Variants in FBXL2 observed in about 807,000 individuals in gnomAD.
FBXL2 encodes F-box and leucine rich repeat protein 2.
In FBXL2, 38 loss-of-function variants were observed where a neutral mutation model predicts 69.2. The observed-to-expected ratio is 0.55, with a 90% CI of 0.42 to 0.72. FBXL2 has a LOEUF of 0.72. FBXL2 is among the 30% of genes least tolerant of loss of function. The probability of loss-of-function intolerance (pLI) is 0.00; values close to 1 mark genes in which losing one functional copy is unlikely to be tolerated. For missense variants in FBXL2, 354 were observed against 520.3 expected (o/e 0.68, Z 3.11); for synonymous variants, 192 against 201.3 (o/e 0.95, Z 0.39).
chr3:33,292,538 AAGTC>A (rs994591385), intron 1 of FBXL2, among the ~76,000 whole-genome samples: 8 of 152,194 alleles, frequency 5.3e-5, no homozygotes, highest in Admixed American at 2.0e-4. Flanking sequence ...AAGAAAAAAA[AAGTC>A]AGTAAGGATA....
At chr3:33,417,063 G>T in the FBXL2 span, among the ~76,000 whole-genome samples, 18 of 152,234 alleles carry the variant, frequency 1.2e-4, no homozygotes, top group African/African-American at 3.9e-4. Context: ...ATCTTCATCT[G>T]CCACTCTCTT....
At chr3:33,322,446 C>T (rs2038318904) in intron 2 of FBXL2, among the ~76,000 whole-genome samples, 1 of 151,840 alleles carries the variant, frequency 6.6e-6, no homozygotes, top group East Asian at 1.9e-4. Context: ...TAGAAATAAC[C>T]AAATGTTCAT....
intron 1 of FBXL2, among the ~76,000 whole-genome samples, chr3:33,282,425 T>C (rs1426420628): frequency 2.6e-5 from 4 of 152,202 alleles, no homozygotes; most frequent in Admixed American, 6.5e-5. Context: ...TTGGTACCAG[T>C]ACCATGCTGT....
chr3:33,306,341 G>C (rs958147744), intron 2 of FBXL2, among the ~76,000 whole-genome samples: 2 of 152,014 alleles, frequency 1.3e-5, no homozygotes, highest in East Asian at 3.9e-4. Context: ...TAGACACCAC[G>C]TAAGTCAATA....
At chr3:33,341,653 A>T (rs2040020902) in intron 2 of FBXL2, among the ~76,000 whole-genome samples, 1 of 151,882 alleles carries the variant, frequency 6.6e-6, no homozygotes, top group Non-Finnish European at 1.5e-5. Flanking sequence ...AACATGGTGA[A>T]ACCCCATCTC....
chr3:33,325,958 A>G (rs1256115141), intron 2 of FBXL2, among the ~76,000 whole-genome samples: 8 of 152,216 alleles, frequency 5.3e-5, no homozygotes. Flanking sequence ...TCAAAACCAA[A>G]GTGAGATTGT....
At chr3:33,371,330 A>ATTT (rs749436186) in intron 5 of FBXL2, among the ~76,000 whole-genome samples, 13 of 134,134 alleles carry the variant, frequency 9.7e-5, no homozygotes, top group African/African-American at 2.5e-4. Flanking sequence ...ATACCAGCTA[A>ATTT]TTTTTTTTTT....
At chr3:33,284,124 T>A (rs1336669530) in intron 1 of FBXL2, among the ~76,000 whole-genome samples, 1 of 152,258 alleles carries the variant, frequency 6.6e-6, no homozygotes, top group Non-Finnish European at 1.5e-5. Flanking sequence ...CTTCTCTAGT[T>A]CTTTTAATTG....
chr3:33,351,952 C>T, intron 2 of FBXL2, among the ~76,000 whole-genome samples: 1 of 147,370 alleles, frequency 6.8e-6, no homozygotes, highest in Admixed American at 6.8e-5. Context: ...ATAGTGGGAC[C>T]CCCATCACTT....
At chr3:33,280,142 T>A (rs748681084) in intron 1 of FBXL2, among the ~76,000 whole-genome samples, 1 of 152,212 alleles carries the variant, frequency 6.6e-6, no homozygotes, top group Non-Finnish European at 1.5e-5. Flanking sequence ...CCCCTCTTTC[T>A]TCTTTCCTTC....
chr3:33,332,875 C>T (rs2039276984), intron 2 of FBXL2, among the ~76,000 whole-genome samples: 1 of 152,048 alleles, frequency 6.6e-6, no homozygotes, highest in African/African-American at 2.4e-5. Context: ...TTATGCAATG[C>T]ATGATTGTAT....
At chr3:33,332,505 A>C (rs1401615984) in intron 2 of FBXL2, among the ~76,000 whole-genome samples, 1 of 152,246 alleles carries the variant, frequency 6.6e-6, no homozygotes, top group East Asian at 1.9e-4. Context: ...CACAATAGCC[A>C]GAATGTGGGA....
At chr3:33,300,656 C>T (rs2036189870) in intron 2 of FBXL2, 1 of 151,416 alleles carries the variant, frequency 6.6e-6, no homozygotes, top group Non-Finnish European at 1.5e-5. Context: ...TGTCATTTTA[C>T]TTTCAGACTT....
At chr3:33,349,709 C>A (rs2040698777) in intron 2 of FBXL2, among the ~76,000 whole-genome samples, 1 of 152,076 alleles carries the variant, frequency 6.6e-6, no homozygotes, top group Non-Finnish European at 1.5e-5. Flanking sequence ...CAGAATTCAG[C>A]AGTGAAGCCA....
At chr3:33,374,791 T>C (rs1441175985) in intron 9 of FBXL2, among the ~76,000 whole-genome samples, 4 of 139,102 alleles carry the variant, frequency 2.9e-5, no homozygotes, top group Non-Finnish European at 6.1e-5. Context: ...TATCAATAAT[T>C]TTGTGATTTA....
At chr3:33,406,440 T>A (rs1005897001), downstream of FBXL2, among the ~76,000 whole-genome samples, 1 of 152,170 alleles carries the variant, frequency 6.6e-6, no homozygotes, top group Non-Finnish European at 1.5e-5. Flanking sequence ...CCCCTGCACA[T>A]ATAAAACATA....
intron 2 of FBXL2, chr3:33,303,211 A>G (rs1404247938): frequency 1.8e-5 from 8 of 455,278 alleles, no homozygotes; most frequent in South Asian, 9.3e-5. Context: ...TTAAGCATCT[A>G]TGCAGATTTT....
At chr3:33,298,653 G>C (rs1261713866) in intron 2 of FBXL2, among the ~76,000 whole-genome samples, 3 of 137,318 alleles carry the variant, frequency 2.2e-5, no homozygotes, top group African/African-American at 8.4e-5. Flanking sequence ...CCTAGCCTGT[G>C]CTAACTGCAC....
At chr3:33,338,145 C>T (rs1356926185) in intron 2 of FBXL2, among the ~76,000 whole-genome samples, 1 of 152,142 alleles carries the variant, frequency 6.6e-6, no homozygotes. Context: ...GGCATGGTGG[C>T]TCACACCTGT....
Sources: gnomAD v4.1 joint callset for allele counts (sites outside exome capture counted in the v4.1 genomes callset) on GRCh38, gnomAD v4.1.1 for gene constraint, MANE v1.5 for transcripts, NCBI Gene and HGNC (gene_info 2026-07-23, HGNC 2026-07-21) for gene names.